The following ZNF423 variants were observed in gnomAD, a reference collection of about 807,000 sequenced individuals.
ZNF423 encodes the protein zinc finger protein 423, also known as Ebf-associated zinc finger protein.
ZNF423 carries 12 observed loss-of-function variants against 95.8 expected under a neutral mutation model. The ratio of observed to expected loss-of-function variants is 0.13; its 90% CI spans 0.08 to 0.20. ZNF423 has a LOEUF of 0.20. ZNF423 is among the 10% of genes least tolerant of loss of function. ZNF423 has a pLI of 1.00. For missense variants in ZNF423, 1,316 were observed against 1,737.1 expected (o/e 0.76, Z 4.31); for synonymous variants, 749 against 711.9 (o/e 1.05, Z -0.83).
chr16:49,495,948 G>A (rs1275586584), intron 7 of ZNF423, among the ~76,000 whole-genome samples: 3 of 152,226 alleles, frequency 2.0e-5, no homozygotes, highest in South Asian at 4.1e-4. Context: ...TGGGAGAGAC[G>A]TGAGGGGCTT....
At chr16:49,620,132 T>TAC (rs56739115) in intron 5 of ZNF423, among the ~76,000 whole-genome samples, 19,115 of 143,702 alleles carry the variant, frequency 0.13, 1,402 homozygotes, top group African/African-American at 0.2. Context: ...CTCTCTCTTC[T>TAC]ACACACACAC....
intron 1 of ZNF423, among the ~76,000 whole-genome samples, chr16:49,813,787 T>C (rs1238628248): frequency 2.0e-5 from 3 of 152,186 alleles, no homozygotes; most frequent in Non-Finnish European, 2.9e-5. Flanking sequence ...ACCAGCACAG[T>C]GGCCGAGACA....
At chr16:49,842,713 C>T (rs933901772) in intron 1 of ZNF423, among the ~76,000 whole-genome samples, 2 of 152,180 alleles carry the variant, frequency 1.3e-5, no homozygotes, top group African/African-American at 2.4e-5. Flanking sequence ...CCGTAGCTCA[C>T]GCCTGTAATT....
At chr16:49,564,913 C>T (rs1970138619) in intron 5 of ZNF423, among the ~76,000 whole-genome samples, 1 of 152,214 alleles carries the variant, frequency 6.6e-6, no homozygotes, top group African/African-American at 2.4e-5. Context: ...TCCTCATCTT[C>T]TAAATTCCCG....
chr16:49,810,821 T>G (rs1010460432), intron 1 of ZNF423, among the ~76,000 whole-genome samples: 1 of 152,164 alleles, frequency 6.6e-6, no homozygotes, highest in Non-Finnish European at 1.5e-5. Flanking sequence ...CATTTACACT[T>G]TCTCTCCTTC....
At chr16:49,679,471 G>A (rs1416129693) in intron 3 of ZNF423, among the ~76,000 whole-genome samples, 1 of 152,250 alleles carries the variant, frequency 6.6e-6, no homozygotes, top group Non-Finnish European at 1.5e-5. Flanking sequence ...CACCCTCTCT[G>A]ATTTTGGAGC....
Position 49,491,222 on chromosome 16 carries a change from C to T in ZNF423, c.*53G>A. 2.5e-6 allele frequency: 4 copies of T among 1,612,392 alleles called. No homozygotes were observed. Among genetic ancestry groups the T allele is most frequent in the African/African-American group, 2.7e-5 (2 of 75,010 alleles). ...GGATGTAATGTTCAAATGGCCCTCCCCACGGCGTCTCCGGCAAGCCTTCTG... is the reference window on the plus strand; with the variant it reads ...GGATGTAATGTTCAAATGGCCCTCCTCACGGCGTCTCCGGCAAGCCTTCTG... On this transcript the variant is annotated 3_prime_UTR_variant, in exon 8 of 8. Transcript: ENST00000563137.
chr16:49,636,890 G>A lies in ZNF423; in HGVS notation c.2286C>T (p.Ala762=). 6.2e-7 allele frequency: 1 copy of A among 1,614,012 alleles called. No individual in the cohort carries two copies. Among genetic ancestry groups the A allele is most frequent in the South Asian group, 1.1e-5 (1 of 91,082 alleles). The change falls in exon 4 of 8, where the codon GCC becomes GCT. Residue 762 remains alanine, a synonymous_variant. Transcript: ENST00000563137. The surrounding 1 kb of genome is among the most constrained non-coding windows in gnomAD (Gnocchi z 8.6). ...CCTCCTTGCGGAAGTCCCAGTTGCA[G>A]GCCGTGCAGCGGTACATCTTCTTCT... is the stretch of plus-strand genomic sequence containing the variant. ...SNEKKMYRCT[A]CNWDFRKEAD...
rs146246639 is a variant in ZNF423 at position 49,609,873 on chromosome 16, C to T, written c.3601+16297G>A. On this transcript the variant is annotated intron_variant, in intron 5 of 7. Transcript: ENST00000563137. The stretch of plus-strand genomic sequence containing the variant: ...AGGAATAAACACAAGGAAATCCACA[C>T]CAAGACAAATCATATTCCAACTCCT... Among the ~76,000 whole-genome samples the T allele has an allele frequency of 3.3e-5, 5 of 152,252 alleles. No individual in the cohort carries two copies. The East Asian group carries it at 9.6e-4, about 29-fold the overall frequency.
chr16:49,741,271 G>C (rs1304635573), intron 2 of ZNF423, among the ~76,000 whole-genome samples: 1 of 151,918 alleles, frequency 6.6e-6, no homozygotes, highest in African/African-American at 2.4e-5. Context: ...AAGGCGGGTG[G>C]ATCATTTGAG....
intron 3 of ZNF423, among the ~76,000 whole-genome samples, chr16:49,716,728 C>T (rs1046069672): frequency 4.5e-4 from 69 of 152,126 alleles, no homozygotes; most frequent in Admixed American, 4.1e-3. Context: ...TGCTGCGACA[C>T]TAGAAGCAGT....
chr16:49,604,476 C>T (rs1247425253), intron 5 of ZNF423, among the ~76,000 whole-genome samples: 1 of 152,160 alleles, frequency 6.6e-6, no homozygotes, highest in African/African-American at 2.4e-5. Context: ...CGCTGCCACA[C>T]TGCAGTTTGA....
At chr16:49,544,511 G>A (rs192975707) in intron 5 of ZNF423, among the ~76,000 whole-genome samples, 36 of 152,330 alleles carry the variant, frequency 2.4e-4, no homozygotes, top group Admixed American at 2.2e-3. Context: ...GATGGGGGTC[G>A]AGGTAACACC....
intron 5 of ZNF423, among the ~76,000 whole-genome samples, chr16:49,532,704 C>T (rs560313111): frequency 4.6e-5 from 7 of 152,100 alleles, no homozygotes; most frequent in Non-Finnish European, 7.4e-5. Context: ...GCCATGGCAA[C>T]GGAGAATGAG....
At chr16:49,720,042 G>A (rs2083542239) in intron 3 of ZNF423, among the ~76,000 whole-genome samples, 1 of 152,124 alleles carries the variant, frequency 6.6e-6, no homozygotes, top group African/African-American at 2.4e-5. Flanking sequence ...CCAAGCCGCT[G>A]GTGGATGCCA....
At chr16:49,507,416 G>A (rs948186877) in intron 7 of ZNF423, among the ~76,000 whole-genome samples, 10 of 152,028 alleles carry the variant, frequency 6.6e-5, no homozygotes, top group Admixed American at 2.0e-4. Flanking sequence ...TTACAGGTGT[G>A]AGCCACCACG....
intron 3 of ZNF423, among the ~76,000 whole-genome samples, chr16:49,641,242 C>T (rs932583261): frequency 1.4e-4 from 21 of 152,226 alleles, no homozygotes; most frequent in Admixed American, 9.8e-4. Context: ...GGACTGTCCA[C>T]ATTCAGGCCC....
intron 5 of ZNF423, among the ~76,000 whole-genome samples, chr16:49,538,278 T>C (rs1463509271): frequency 6.6e-6 from 1 of 152,222 alleles, no homozygotes; most frequent in Non-Finnish European, 1.5e-5. Flanking sequence ...TGTGATGAGA[T>C]GTGAGCAGTG....
chr16:49,724,641 C>G (rs1443293413), intron 3 of ZNF423, among the ~76,000 whole-genome samples: 1 of 152,208 alleles, frequency 6.6e-6, no homozygotes. Context: ...ACACGGCTGG[C>G]AAAGGTGCCA....
Sources: allele counts gnomAD v4.1 joint callset (sites outside exome capture counted in the v4.1 genomes callset), GRCh38; gene constraint gnomAD v4.1.1; non-coding constraint Gnocchi (gnomAD v3.1); transcripts MANE v1.5; gene names NCBI Gene and HGNC (gene_info 2026-07-23, HGNC 2026-07-21).